Variants in CMKLR1 observed in about 807,000 individuals in gnomAD.
CMKLR1 encodes the protein chemerin chemokine-like receptor 1, also known as chemerin-like receptor 1.
Under a neutral mutation model 8.2 loss-of-function variants are expected in CMKLR1, and 6 were observed. The ratio of observed to expected loss-of-function variants is 0.73; its 90% CI spans 0.40 to 1.44. The LOEUF (loss-of-function observed/expected upper bound fraction) is 1.44, where lower values mean the gene tolerates loss of function less well. Among genes scored for constraint, CMKLR1 ranks in the 40% most tolerant of loss-of-function variants. The pLI is 0.02. For missense variants in CMKLR1, 429 were observed against 478.0 expected (o/e 0.90, Z 0.96); for synonymous variants, 178 against 181.2 (o/e 0.98, Z 0.14).
intron 2 of CMKLR1, among the ~76,000 whole-genome samples, chr12:108,318,237 T>A (rs1891779687): frequency 6.6e-6 from 1 of 152,228 alleles, no homozygotes; most frequent in South Asian, 2.1e-4. Flanking sequence ...CCACATATTC[T>A]TAATAGAGTC....
intron 2 of CMKLR1, among the ~76,000 whole-genome samples, chr12:108,301,542 A>G (rs1891274758): frequency 1.3e-5 from 2 of 152,358 alleles, no homozygotes; most frequent in South Asian, 4.1e-4. Flanking sequence ...ACCAGCCCCC[A>G]GCTCAGTGCC....
chr12:108,295,342 G>C (rs912241962), intron 2 of CMKLR1, among the ~76,000 whole-genome samples: 2 of 152,234 alleles, frequency 1.3e-5, no homozygotes, highest in African/African-American at 4.8e-5. Flanking sequence ...GCTCTTAACT[G>C]TCACTCCACA....
chr12:108,308,975 G>A (rs1279935490), intron 2 of CMKLR1, among the ~76,000 whole-genome samples: 3 of 152,146 alleles, frequency 2.0e-5, no homozygotes, highest in Non-Finnish European at 4.4e-5. Flanking sequence ...TACATAATAA[G>A]GAAGACAAAC....
chr12:108,295,843 T>C (rs2137296447), intron 2 of CMKLR1, among the ~76,000 whole-genome samples: 1 of 152,344 alleles, frequency 6.6e-6, no homozygotes, highest in Middle Eastern at 3.4e-3. Flanking sequence ...TGACATCATG[T>C]CGGGCTCTCT....
chr12:108,317,891 C>T (rs1361355041), intron 2 of CMKLR1: 1 of 152,234 alleles, frequency 6.6e-6, no homozygotes, highest in African/African-American at 2.4e-5. Flanking sequence ...CCTCATGTCT[C>T]CTTCCAGAGT....
intron 2 of CMKLR1, among the ~76,000 whole-genome samples, chr12:108,306,194 C>T (rs1273767995): frequency 6.6e-6 from 1 of 152,166 alleles, no homozygotes; most frequent in African/African-American, 2.4e-5. Context: ...TGGGTACAAA[C>T]CCTCCAGCTC....
At chr12:108,310,191 G>GTT (rs1199621764) in intron 2 of CMKLR1, among the ~76,000 whole-genome samples, 1 of 151,734 alleles carries the variant, frequency 6.6e-6, no homozygotes, top group Non-Finnish European at 1.5e-5. Flanking sequence ...GTGTGTGTGT[G>GTT]TGTGTGTTAG....
chr12:108,335,167 G>T (rs1892191315), intron 1 of CMKLR1, among the ~76,000 whole-genome samples: 2 of 152,202 alleles, frequency 1.3e-5, no homozygotes, highest in South Asian at 4.1e-4. Flanking sequence ...ACAGGTAGCT[G>T]TCCACAAAAA....
intron 2 of CMKLR1, among the ~76,000 whole-genome samples, chr12:108,295,844 C>G (rs374827281): frequency 2.0e-5 from 3 of 152,208 alleles, no homozygotes; most frequent in Non-Finnish European, 4.4e-5. Context: ...GACATCATGT[C>G]GGGCTCTCTG....
intron 1 of CMKLR1, among the ~76,000 whole-genome samples, chr12:108,332,181 C>A (rs1892123977): frequency 1.3e-5 from 2 of 152,196 alleles, no homozygotes; most frequent in Admixed American, 6.5e-5. Flanking sequence ...CAACCCTGGG[C>A]AGGAGGAAAC....
chr12:108,308,683 C>T (rs1891473915), intron 2 of CMKLR1, among the ~76,000 whole-genome samples: 1 of 152,198 alleles, frequency 6.6e-6, no homozygotes, highest in Non-Finnish European at 1.5e-5. Flanking sequence ...AGGGGCCCCT[C>T]CAGACAGGCT....
chr12:108,308,607 T>C (rs1891471043), intron 2 of CMKLR1, among the ~76,000 whole-genome samples: 1 of 152,176 alleles, frequency 6.6e-6, no homozygotes, highest in Non-Finnish European at 1.5e-5. Context: ...GGAATGAGGT[T>C]TGGCACCTCT....
chr12:108,291,663 G>A lies in CMKLR1; in HGVS notation c.*178C>T. The stretch of plus-strand genomic sequence containing the variant: ...GGCTGTATGGAACACAGCATGTTCT[G>A]TCCACTAGAAGAAAGGGGTTCCAGG... On this transcript the variant is annotated 3_prime_UTR_variant, in exon 4 of 4. Transcript: ENST00000550402. 1.5e-6 allele frequency: 1 copy of A among 670,568 alleles called. No individual in the cohort carries two copies. The highest frequency in any genetic ancestry group is 2.7e-5 in the Admixed American group (1 of 37,266). The allele number at this position is 670,568 out of a possible 1,614,324, so 41.5% of individuals were successfully genotyped here. A position where few individuals can be genotyped will look rare whatever the true frequency, so the allele number is the denominator to read the frequency against.
intron 2 of CMKLR1, among the ~76,000 whole-genome samples, chr12:108,328,866 T>A (rs1892042023): frequency 6.6e-6 from 1 of 152,192 alleles, no homozygotes; most frequent in African/African-American, 2.4e-5. Flanking sequence ...CAACCCAAAG[T>A]GCCATCTTAT....
At chr12:108,317,326 T>C (rs1180187592) in intron 2 of CMKLR1, among the ~76,000 whole-genome samples, 1 of 152,140 alleles carries the variant, frequency 6.6e-6, no homozygotes, top group Non-Finnish European at 1.5e-5. Flanking sequence ...CAAGAACGCA[T>C]TGTTTTCCCT....
chr12:108,309,054 C>T (rs1206660692), intron 2 of CMKLR1, among the ~76,000 whole-genome samples: 1 of 152,354 alleles, frequency 6.6e-6, no homozygotes, highest in Non-Finnish European at 1.5e-5. Context: ...AGTCATCACA[C>T]TTCTCTGTGC....
At chr12:108,312,961 G>A (rs1395759425) in intron 2 of CMKLR1, among the ~76,000 whole-genome samples, 1 of 152,070 alleles carries the variant, frequency 6.6e-6, no homozygotes, top group African/African-American at 2.4e-5. Flanking sequence ...AAATCCCAGA[G>A]CCCTGAGCTG....
intron 2 of CMKLR1, among the ~76,000 whole-genome samples, chr12:108,303,780 C>T (rs969758336): frequency 2.6e-5 from 4 of 152,210 alleles, no homozygotes; most frequent in African/African-American, 9.7e-5. Flanking sequence ...GCAATTTTCT[C>T]CCCCAGGTCC....
At chr12:108,297,232 T>C (rs554566866) in intron 2 of CMKLR1, among the ~76,000 whole-genome samples, 1 of 152,362 alleles carries the variant, frequency 6.6e-6, no homozygotes, top group African/African-American at 2.4e-5. Context: ...CCACTTCCAC[T>C]TAATAAATAG....
Sources: gnomAD v4.1 joint callset for allele counts (sites outside exome capture counted in the v4.1 genomes callset) on GRCh38, gnomAD v4.1.1 for gene constraint, MANE v1.5 for transcripts, NCBI Gene and HGNC (gene_info 2026-07-23, HGNC 2026-07-21) for gene names.